Variants in PCDHGA1 observed in about 807,000 individuals in gnomAD.
The protein encoded by PCDHGA1 is protocadherin gamma subfamily A, 1.
PCDHGA1 carries 32 observed loss-of-function variants against 58.0 expected under a neutral mutation model. The ratio of observed to expected loss-of-function variants is 0.55; its 90% confidence interval spans 0.42 to 0.74. The LOEUF (loss-of-function observed/expected upper bound fraction) is 0.74, where lower values mean the gene tolerates loss of function less well. PCDHGA1 is among the 30% of genes least tolerant of loss of function. PCDHGA1 has a pLI of 0.00. For missense variants in PCDHGA1, 1,205 were observed against 1,182.3 expected (o/e 1.02, Z -0.28); for synonymous variants, 498 against 501.1 (o/e 0.99, Z 0.08).
intron 1 of PCDHGA1, chr5:141,415,199 T>C (rs761532551): frequency 1.7e-5 from 28 of 1,613,880 alleles, no homozygotes; most frequent in Non-Finnish European, 2.4e-5. Flanking sequence ...ATCCCCCAAG[T>C]CCTGGCGGAC....
chr5:141,418,578 CAGTGTT>C, intron 1 of PCDHGA1: 1 of 1,614,040 alleles, frequency 6.2e-7, no homozygotes, highest in African/African-American at 1.3e-5. Flanking sequence ...GACAACCCCC[CAGTGTT>C]CAGCCAGGAC....
chr5:141,457,649 A>C (rs1303184316), intron 1 of PCDHGA1, among the ~76,000 whole-genome samples: 1 of 152,282 alleles, frequency 6.6e-6, no homozygotes, highest in Non-Finnish European at 1.5e-5. Context: ...TATTTGCATG[A>C]AGTGCAGCAA....
intron 1 of PCDHGA1, among the ~76,000 whole-genome samples, chr5:141,448,712 G>A (rs1439461223): frequency 1.3e-5 from 2 of 152,004 alleles, no homozygotes; most frequent in African/African-American, 2.4e-5. Flanking sequence ...AGGCCGAGGC[G>A]GGAGGATCAC....
At chr5:141,394,277 T>C (rs1209758237) in intron 1 of PCDHGA1, 1 of 1,613,946 alleles carries the variant, frequency 6.2e-7, no homozygotes, top group South Asian at 1.1e-5. Flanking sequence ...CCCAGGTCAC[T>C]TACTCTGTGA....
At chr5:141,443,137 A>G (rs1202995621) in intron 1 of PCDHGA1, among the ~76,000 whole-genome samples, 1 of 152,174 alleles carries the variant, frequency 6.6e-6, no homozygotes, top group Non-Finnish European at 1.5e-5. Flanking sequence ...GAACACTATC[A>G]TAAGTTATAC....
In PCDHGA1 at chr5:141,491,250, C is replaced by T. The variant is rs1328621598; in HGVS notation, c.2422-3557C>T. The T allele has an allele frequency of 6.2e-7, 1 of 1,614,148 alleles. No individual in the cohort carries two copies. Among genetic ancestry groups the T allele is most frequent in the South Asian group, 1.1e-5 (1 of 91,092 alleles). ...TGCTGCTGGTTCTGGAGGATGAGGA[C>T]CCTGAGGAAATGCCCAAATCCAGTG... On this transcript the variant is annotated intron_variant, in intron 1 of 3. Transcript: ENST00000517417. The surrounding 1 kb of genome is among the most constrained non-coding windows in gnomAD (Gnocchi z 6.9).
chr5:141,413,477 C>A, intron 1 of PCDHGA1: 1 of 1,614,100 alleles, frequency 6.2e-7, no homozygotes, highest in Non-Finnish European at 8.5e-7. Flanking sequence ...GAGCTCTGCG[C>A]TCAGAGCGCG....
chr5:141,423,517 T>A (rs750915364), intron 1 of PCDHGA1: 1 of 1,613,834 alleles, frequency 6.2e-7, no homozygotes, highest in Admixed American at 1.7e-5. Context: ...CATTGCGGAC[T>A]CGCAGAAGAG....
chr5:141,408,561 T>C lies in PCDHGA1; in HGVS notation c.2421+75456T>C. On this transcript the variant is annotated intron_variant, in intron 1 of 3. Coordinates refer to ENST00000517417, the MANE Select transcript of PCDHGA1 (RefSeq NM_018912.3). ...AATCCTTTAAATATTTTTCATGTCA[T>C]TGTGGTGATTGAGGATGTTAATGAC... 6.2e-7 allele frequency: 1 copy of C among 1,613,994 alleles called. No homozygotes were observed.
At chr5:141,344,300 G>T in intron 1 of PCDHGA1, 1 of 1,614,098 alleles carries the variant, frequency 6.2e-7, no homozygotes, top group South Asian at 1.1e-5. Context: ...CCGCGGAGAG[G>T]ATAGACCGGG....
chr5:141,392,841 C>A (rs1464167244), intron 1 of PCDHGA1: 2 of 1,608,680 alleles, frequency 1.2e-6, no homozygotes, highest in Non-Finnish European at 1.7e-6. Flanking sequence ...TCGCCCCAGA[C>A]GCGGCGAGCT....
At chr5:141,356,354 CT>C (rs1760202379) in intron 1 of PCDHGA1, 1 of 1,556,448 alleles carries the variant, frequency 6.4e-7, no homozygotes, top group Admixed American at 1.9e-5. Context: ...GTCACATGTT[CT>C]ATTCCAGATA....
chr5:141,366,311 ACCGTTG>A (rs1051076797), intron 1 of PCDHGA1: 10 of 1,613,648 alleles, frequency 6.2e-6, no homozygotes, highest in Non-Finnish European at 6.8e-6. Flanking sequence ...CTTCACGGTC[ACCGTTG>A]CCGTGGCCGA....
chr5:141,365,592 C>G, intron 1 of PCDHGA1: 5 of 1,613,682 alleles, frequency 3.1e-6, no homozygotes, highest in Non-Finnish European at 4.2e-6. Flanking sequence ...TATAATATCA[C>G]TTTAACCGTC....
chr5:141,440,008 C>G, intron 1 of PCDHGA1: 1 of 153,238 alleles, frequency 6.5e-6, no homozygotes. Context: ...GAAACCTTGC[C>G]AAGGATCTGG....
chr5:141,377,605 C>CTCA (rs200405264), intron 1 of PCDHGA1: 6 of 140,756 alleles, frequency 4.3e-5, no homozygotes, highest in South Asian at 4.7e-4. Context: ...CTCTCTCTCT[C>CTCA]AAAAAAAAAA....
intron 1 of PCDHGA1, chr5:141,378,812 C>A (rs1775174310): frequency 6.6e-6 from 1 of 152,148 alleles, no homozygotes; most frequent in Admixed American, 6.5e-5. Flanking sequence ...CAAACAGAAT[C>A]ATTGTTTCAT....
In PCDHGA1 at chr5:141,485,520, T is replaced by G. The variant is rs2099615008; in HGVS notation, c.2422-9287T>G. On this transcript the variant is annotated intron_variant, in intron 1 of 3. Transcript: ENST00000517417. This position sits in a 1 kb window ranked among gnomAD's most constrained non-coding sequence, Gnocchi z 5.7. ...TTTGTCACCGAAGGTCCTTTGGAAA[T>G]GTACCGAGCAGAGGTAGAGATCGTA... 1 of 1,614,108 alleles carries G rather than the reference T, an allele frequency of 6.2e-7. No homozygotes were observed. The highest frequency in any genetic ancestry group is 8.5e-7 in the Non-Finnish European group (1 of 1,180,012).
At position 141,331,085 on chromosome 5, in the gene PCDHGA1, A is replaced by G. The variant is rs763976737; in HGVS notation, c.401A>G (p.Gln134Arg). ...ATTAATGACAACACTCCCCAATTCC[A>G]GTTAGAGGAACTGGAGTTTAAAATG... is the stretch of plus-strand genomic sequence containing the variant. ...IDINDNTPQF[Q>R]LEELEFKMNE... Residue 134 changes from glutamine to arginine, a missense_variant, in exon 1 of 4, where the codon CAG (glutamine) becomes CGG (arginine). Transcript: ENST00000517417. The G allele has an allele frequency of 3.1e-6, 5 of 1,600,398 alleles. No individual in the cohort carries two copies. In the African/African-American group the frequency reaches 5.4e-5, roughly 17 times the overall value.
Sources: allele counts gnomAD v4.1 joint callset (sites outside exome capture counted in the v4.1 genomes callset), GRCh38; gene constraint gnomAD v4.1.1; non-coding constraint Gnocchi (gnomAD v3.1); transcripts MANE v1.5; gene names NCBI Gene and HGNC (gene_info 2026-07-23, HGNC 2026-07-21).